RPS6KC1: variants seen among roughly 807,000 people sequenced by gnomAD.
RPS6KC1 encodes the protein inactive ribosomal protein S6 kinase delta-1.
RPS6KC1 carries 54 observed loss-of-function variants against 103.8 expected under a neutral mutation model. The observed-to-expected ratio is 0.52, with a 90% confidence interval of 0.42 to 0.65. RPS6KC1 has a LOEUF of 0.65. Among genes scored for constraint, RPS6KC1 ranks in the 30% least tolerant of loss-of-function variants. RPS6KC1 has a pLI of 0.00. For missense variants in RPS6KC1, 1,151 were observed against 1,253.8 expected (o/e 0.92, Z 1.24); for synonymous variants, 439 against 438.7 (o/e 1.00, Z -0.01).
the RPS6KC1 span, among the ~76,000 whole-genome samples, chr1:213,746,568 C>T: frequency 6.6e-6 from 1 of 152,098 alleles, no homozygotes; most frequent in African/African-American, 2.4e-5. Context: ...TAGGGAGCCA[C>T]TAGAGAATTT....
the RPS6KC1 span, among the ~76,000 whole-genome samples, chr1:213,776,734 T>C: frequency 6.6e-6 from 1 of 152,210 alleles, no homozygotes; most frequent in Non-Finnish European, 1.5e-5. Flanking sequence ...AAACCAGACA[T>C]TGACTTCTCC....
the RPS6KC1 span, among the ~76,000 whole-genome samples, chr1:213,808,312 G>T: frequency 6.6e-6 from 1 of 152,212 alleles, no homozygotes; most frequent in South Asian, 2.1e-4. Flanking sequence ...CTTCAAAGCT[G>T]TCAGACAGGG....
At chr1:213,328,595 G>A in the RPS6KC1 span, among the ~76,000 whole-genome samples, 1 of 148,848 alleles carries the variant, frequency 6.7e-6, no homozygotes, top group Admixed American at 6.8e-5. Flanking sequence ...TCCTTTAGGT[G>A]TGGGTAGGAA....
At chr1:213,458,336 T>C in the RPS6KC1 span, among the ~76,000 whole-genome samples, 1 of 151,952 alleles carries the variant, frequency 6.6e-6, no homozygotes, top group African/African-American at 2.4e-5. Context: ...GATCTCATTC[T>C]TTTTTAAGGC....
At chr1:213,812,638 G>A in the RPS6KC1 span, among the ~76,000 whole-genome samples, 15 of 152,282 alleles carry the variant, frequency 9.9e-5, no homozygotes, top group African/African-American at 3.4e-4. Context: ...TTAGTTGTGT[G>A]TGTTAAAGAG....
chr1:213,329,620 G>T, the RPS6KC1 span, among the ~76,000 whole-genome samples: 1 of 150,996 alleles, frequency 6.6e-6, no homozygotes, highest in Non-Finnish European at 1.5e-5. Context: ...CCCTTCATCA[G>T]AACAAAGCTG....
chr1:213,726,362 A>G, the RPS6KC1 span, among the ~76,000 whole-genome samples: 1 of 152,228 alleles, frequency 6.6e-6, no homozygotes, highest in South Asian at 2.1e-4. Context: ...GGCATAAACT[A>G]CCATGCCAGG....
chr1:213,691,733 T>C, the RPS6KC1 span, among the ~76,000 whole-genome samples: 69 of 152,208 alleles, frequency 4.5e-4, no homozygotes, highest in Non-Finnish European at 6.8e-4. Flanking sequence ...CTAGTGGAGA[T>C]GTTAATCTGG....
At position 213,106,822 on chromosome 1, in the gene RPS6KC1, T is replaced by G. The variant is rs556571342; in HGVS notation, c.378+2253T>G. On this transcript the variant is annotated intron_variant, in intron 4 of 14. Coordinates refer to ENST00000366960, the MANE Select transcript of RPS6KC1 (RefSeq NM_012424.6). ...TCTATACCTTTCCATCCCATACTCT[T>G]CACTGGTTGTTTATTTATTAGTATT... is the stretch of plus-strand genomic sequence containing the variant. 7.2e-5 allele frequency among the ~76,000 whole-genome samples: 11 copies of G among 152,348 alleles called. No homozygotes were observed. The South Asian group carries it at 2.3e-3, about 32-fold the overall frequency.
chr1:213,406,831 C>T, the RPS6KC1 span, among the ~76,000 whole-genome samples: 6 of 152,256 alleles, frequency 3.9e-5, no homozygotes, highest in African/African-American at 9.6e-5. Context: ...GGCTGAGTAT[C>T]GTGCCACATT....
At chr1:213,314,209 A>G in the RPS6KC1 span, among the ~76,000 whole-genome samples, 1 of 152,112 alleles carries the variant, frequency 6.6e-6, no homozygotes, top group Non-Finnish European at 1.5e-5. Flanking sequence ...TCCTCTTCTT[A>G]TAAAGGACAT....
chr1:213,747,812 G>T, the RPS6KC1 span, among the ~76,000 whole-genome samples: 9 of 152,188 alleles, frequency 5.9e-5, no homozygotes, highest in Admixed American at 5.9e-4. Context: ...TGTCATGGAA[G>T]TTCAGAACAA....
chr1:213,728,948 GTTT>G, the RPS6KC1 span, among the ~76,000 whole-genome samples: 2 of 91,288 alleles, frequency 2.2e-5, no homozygotes, highest in African/African-American at 9.2e-5. Flanking sequence ...TTTTTTTTTT[GTTT>G]TTTTTTTTTT....
chr1:213,194,942 C>A (rs2092885091), intron 8 of RPS6KC1, among the ~76,000 whole-genome samples: 1 of 152,062 alleles, frequency 6.6e-6, no homozygotes. Context: ...ATATAACATT[C>A]TTAAAATGAC....
At chr1:213,834,866 C>T in the RPS6KC1 span, among the ~76,000 whole-genome samples, 13 of 152,180 alleles carry the variant, frequency 8.5e-5, no homozygotes, top group African/African-American at 2.9e-4. Context: ...ATGCATCACA[C>T]ATTTATTTAG....
At chr1:213,691,722 G>T in the RPS6KC1 span, among the ~76,000 whole-genome samples, 1 of 152,088 alleles carries the variant, frequency 6.6e-6, no homozygotes, top group Admixed American at 6.6e-5. Context: ...CTAGTATTTG[G>T]CTAGTGGAGA....
the RPS6KC1 span, among the ~76,000 whole-genome samples, chr1:213,758,645 T>A: frequency 1.3e-5 from 2 of 151,728 alleles, no homozygotes; most frequent in Non-Finnish European, 2.9e-5. Context: ...TTAACAGGGC[T>A]TTGGAAGAGA....
chr1:213,645,885 G>C, the RPS6KC1 span, among the ~76,000 whole-genome samples: 1 of 152,152 alleles, frequency 6.6e-6, no homozygotes, highest in Non-Finnish European at 1.5e-5. Context: ...CCATGATCTT[G>C]AACTGGAAAG....
At chr1:213,327,236 A>AAAAGAAAAGAAAAGAAAGAAAGAAAG in the RPS6KC1 span, among the ~76,000 whole-genome samples, 3 of 144,692 alleles carry the variant, frequency 2.1e-5, no homozygotes, top group Middle Eastern at 3.4e-3. Flanking sequence ...GAAAGAAAAG[A>AAAAGAAAAGAAAAGAAAGAAAGAAAG]AAAGAAAGAA....
Sources: allele counts gnomAD v4.1 joint callset (sites outside exome capture counted in the v4.1 genomes callset), GRCh38; gene constraint gnomAD v4.1.1; transcripts MANE v1.5; gene names NCBI Gene and HGNC (gene_info 2026-07-23, HGNC 2026-07-21).